Variants in RAB31 observed in about 807,000 individuals in gnomAD.
The protein encoded by RAB31 is RAB31, member RAS oncogene family.
Under a neutral mutation model 25.6 loss-of-function variants are expected in RAB31, and 21 were observed. The observed-to-expected ratio is 0.82, with a 90% CI of 0.58 to 1.18. The LOEUF is 1.18. RAB31 is among the 50% of genes most tolerant of loss of function. The probability of loss-of-function intolerance (pLI) is 0.00; values close to 1 mark genes in which losing one functional copy is unlikely to be tolerated. For missense variants in RAB31, 196 were observed against 250.1 expected (o/e 0.78, Z 1.46); for synonymous variants, 87 against 84.0 (o/e 1.04, Z -0.20).
intron 5 of RAB31, among the ~76,000 whole-genome samples, chr18:9,825,669 A>C (rs548837892): frequency 6.6e-6 from 1 of 152,284 alleles, no homozygotes; most frequent in Non-Finnish European, 1.5e-5. Flanking sequence ...GGTAGAGAAG[A>C]ATGAGGAAGT....
intron 1 of RAB31, among the ~76,000 whole-genome samples, chr18:9,748,498 C>G (rs766230613): frequency 2.0e-5 from 3 of 149,702 alleles, no homozygotes; most frequent in Non-Finnish European, 4.5e-5. Context: ...AGAGCAAGAC[C>G]CTGTCTCAAA....
intron 6 of RAB31, among the ~76,000 whole-genome samples, chr18:9,851,895 T>C (rs1363306522): frequency 6.6e-6 from 1 of 151,622 alleles, no homozygotes; most frequent in Non-Finnish European, 1.5e-5. Context: ...ATATTTCATA[T>C]ATTTCATAAT....
At chr18:9,856,096 G>C (rs1217322010) in intron 6 of RAB31, 1 of 152,152 alleles carries the variant, frequency 6.6e-6, no homozygotes, top group Non-Finnish European at 1.5e-5. Flanking sequence ...GGAGAAAAAT[G>C]AAGTCTGAGA....
intron 5 of RAB31, among the ~76,000 whole-genome samples, chr18:9,845,070 C>T (rs2068753985): frequency 6.6e-6 from 1 of 152,140 alleles, no homozygotes; most frequent in Non-Finnish European, 1.5e-5. Context: ...AGATGAAAGT[C>T]CAGATATGCC....
chr18:9,800,999 A>G lies in RAB31; in HGVS notation c.201+8764A>G, dbSNP rs531453875. On this transcript the variant is annotated intron_variant, in intron 3 of 6. Transcript: ENST00000578921. ...CCCCTCTACATCCCCCAGCCCTGGG[A>G]TACTTTCTGTCTCTAGATTTGCCTA... Among the ~76,000 whole-genome samples, 35 of 152,244 alleles carry G rather than the reference A, an allele frequency of 2.3e-4. No homozygotes were observed. In the South Asian group the frequency reaches 3.7e-3, roughly 16 times the overall value.
chr18:9,764,953 C>A (rs2068307811), intron 1 of RAB31, among the ~76,000 whole-genome samples: 1 of 151,810 alleles, frequency 6.6e-6, no homozygotes, highest in Admixed American at 6.6e-5. Flanking sequence ...TTCTTTCTTT[C>A]TTTCTTTCTT....
chr18:9,829,882 T>C (rs539348457), intron 5 of RAB31, among the ~76,000 whole-genome samples: 18 of 152,296 alleles, frequency 1.2e-4, no homozygotes, highest in Admixed American at 1.2e-3. Context: ...CTTGTTTATT[T>C]TTAGGATTTA....
chr18:9,835,279 C>A (rs899527714), intron 5 of RAB31, among the ~76,000 whole-genome samples: 1 of 152,094 alleles, frequency 6.6e-6, no homozygotes, highest in Non-Finnish European at 1.5e-5. Flanking sequence ...CAAACTGCCC[C>A]GAGAGAAAAC....
chr18:9,718,440 G>T (rs1002384174), intron 1 of RAB31, among the ~76,000 whole-genome samples: 1 of 151,344 alleles, frequency 6.6e-6, no homozygotes, highest in Non-Finnish European at 1.5e-5. Flanking sequence ...TGTATTTTTA[G>T]TAGAGATGGG....
At chr18:9,761,986 T>G (rs185418665) in intron 1 of RAB31, among the ~76,000 whole-genome samples, 46 of 152,224 alleles carry the variant, frequency 3.0e-4, no homozygotes, top group African/African-American at 9.6e-4. Flanking sequence ...TTTAATATTT[T>G]TAGTAGAGAT....
intron 5 of RAB31, among the ~76,000 whole-genome samples, chr18:9,836,837 G>A (rs1371700185): frequency 6.6e-6 from 1 of 152,094 alleles, no homozygotes. Context: ...GAGGAACGGG[G>A]GGAAACACAC....
At chr18:9,726,499 C>G (rs1375240528) in intron 1 of RAB31, among the ~76,000 whole-genome samples, 1 of 151,992 alleles carries the variant, frequency 6.6e-6, no homozygotes, top group Non-Finnish European at 1.5e-5. Context: ...TAACGGGGAA[C>G]CTTGCCTGGC....
At chr18:9,734,438 C>T (rs1012656148) in intron 1 of RAB31, among the ~76,000 whole-genome samples, 12 of 152,236 alleles carry the variant, frequency 7.9e-5, no homozygotes, top group African/African-American at 2.9e-4. Flanking sequence ...ACATACCTAA[C>T]GAGGAGAACA....
chr18:9,775,752 G>A (rs1264716613), intron 2 of RAB31, among the ~76,000 whole-genome samples: 21 of 152,140 alleles, frequency 1.4e-4, no homozygotes, highest in Admixed American at 1.4e-3. Flanking sequence ...TGTCTGCAAA[G>A]TCTGTGGAGC....
intron 1 of RAB31, among the ~76,000 whole-genome samples, chr18:9,733,340 G>T (rs541486926): frequency 6.6e-6 from 1 of 152,164 alleles, no homozygotes; most frequent in Non-Finnish European, 1.5e-5. Context: ...ACCATCCGAC[G>T]TGTGCAGATG....
Position 9,845,635 on chromosome 18 carries a change from TG to T in RAB31, c.436del (p.Val146LeufsTer60). On this transcript the variant is annotated frameshift_variant, in exon 6 of 7. Coordinates refer to ENST00000578921, the MANE Select transcript of RAB31 (RefSeq NM_006868.4). LOFTEE classifies it high-confidence loss of function. ...TACGCTGAATCCATAGGTGCCATCG[TG>T]GTTGAGACAAGTGCAAAAAATGCTA... ...KEYAESIGAIVVETSAKNAIN... is the reference protein window; with the variant it reads ...KEYAESIGAIXVETSAKNAIN... 1 of 1,570,082 alleles carries T rather than the reference TG, an allele frequency of 6.4e-7. No homozygotes were observed. Among genetic ancestry groups the T allele is most frequent in the Admixed American group, 1.9e-5 (1 of 53,070 alleles).
intron 5 of RAB31, among the ~76,000 whole-genome samples, chr18:9,836,999 G>A (rs566540316): frequency 2.0e-5 from 3 of 151,908 alleles, no homozygotes; most frequent in African/African-American, 4.8e-5. Context: ...GAAACACAAA[G>A]GGGAGAGTCT....
rs539126347 is a variant in RAB31 at position 9,804,893 on chromosome 18, T to C, written c.202-9127T>C. ...CTTCACTTTCTTTTTTTGTTTCCAG[T>C]TGTTGCTGTAACAGATTGCCACACG... On this transcript the variant is annotated intron_variant, in intron 3 of 6. Coordinates refer to ENST00000578921, the MANE Select transcript of RAB31 (RefSeq NM_006868.4). Among the ~76,000 whole-genome samples, 48 of 152,358 alleles carry C rather than the reference T, an allele frequency of 3.2e-4. 1 individual carries two copies. The South Asian group carries it at 7.7e-3, about 24-fold the overall frequency.
In RAB31 at chr18:9,814,814, G is replaced by T. The variant is rs1226002688; in HGVS notation, c.274-302G>T. 3.4e-5 allele frequency: 8 copies of T among 237,198 alleles called. No individual in the cohort carries two copies. The East Asian group carries it at 9.7e-4, about 29-fold the overall frequency. 14.7% of individuals were successfully genotyped at this position (237,198 alleles called of 1,614,324 possible). ...TAAGCATGAGCATTTACTTAGTCCT[G>T]TTATTCTTATTCATGTGGAGTCCAG... On this transcript the variant is annotated intron_variant, in intron 4 of 6. Coordinates refer to ENST00000578921, the MANE Select transcript of RAB31 (RefSeq NM_006868.4).
Sources: allele counts gnomAD v4.1 joint callset (sites outside exome capture counted in the v4.1 genomes callset), GRCh38; gene constraint gnomAD v4.1.1; transcripts MANE v1.5; gene names NCBI Gene and HGNC (gene_info 2026-07-23, HGNC 2026-07-21).